The following EREG variants were observed in gnomAD, a reference collection of about 807,000 sequenced individuals.
The protein encoded by EREG is proepiregulin.
EREG carries 23 observed loss-of-function variants against 22.4 expected under a neutral mutation model. The observed-to-expected ratio is 1.03, with a 90% CI of 0.74 to 1.46. EREG has a LOEUF of 1.46. EREG is among the 40% of genes most tolerant of loss of function. The pLI is 0.00. For synonymous variants in EREG, 100 were observed against 75.4 expected (o/e 1.33, Z -1.69); for missense variants, 226 against 205.9 (o/e 1.10, Z -0.60).
chr4:74,377,790 A>G (rs1369242452), intron 1 of EREG, among the ~76,000 whole-genome samples: 1 of 152,170 alleles, frequency 6.6e-6, no homozygotes, highest in Non-Finnish European at 1.5e-5. Context: ...TTATAAAACC[A>G]TCAGATCTCA....
chr4:74,380,722 TG>T lies in EREG; in HGVS notation c.155-291del, dbSNP rs1487544259. 5.9e-5 allele frequency among the ~76,000 whole-genome samples: 9 copies of T among 152,346 alleles called. No homozygotes were observed. In the East Asian group the frequency reaches 1.5e-3, roughly 26 times the overall value. On this transcript the variant is annotated intron_variant, in intron 2 of 4. Coordinates refer to ENST00000244869, the MANE Select transcript of EREG (RefSeq NM_001432.3). ...CACCCACTTGGAGGATAATGACACCTGTGTGTTAAATTTGCCTTCTCTACCC... is the reference window on the plus strand; with the variant it reads ...CACCCACTTGGAGGATAATGACACCTTGTGTTAAATTTGCCTTCTCTACCC...
chr4:74,380,502 T>C (rs549237282), intron 2 of EREG, among the ~76,000 whole-genome samples: 59 of 152,304 alleles, frequency 3.9e-4, no homozygotes, highest in Middle Eastern at 6.8e-3. Context: ...GGAGACTGGT[T>C]AATTTCATTA....
At chr4:74,377,387 C>A (rs1752399950) in intron 1 of EREG, among the ~76,000 whole-genome samples, 1 of 152,118 alleles carries the variant, frequency 6.6e-6, no homozygotes, top group Non-Finnish European at 1.5e-5. Context: ...GTCCATTATA[C>A]TCTAGTATTA....
At chr4:74,375,913 C>T (rs991483206) in intron 1 of EREG, among the ~76,000 whole-genome samples, 4 of 152,140 alleles carry the variant, frequency 2.6e-5, no homozygotes, top group African/African-American at 4.8e-5. Flanking sequence ...ATATACGATT[C>T]CACCTGTAAA....
Position 74,386,368 on chromosome 4 carries a change from C to T in EREG, c.*1560C>T, listed in dbSNP as rs1752569117. The stretch of plus-strand genomic sequence containing the variant: ...CCATGTGTATCCATGCATTATATAC[C>T]CTGGTGCAATCACACGACTGTCATC... On this transcript the variant is annotated 3_prime_UTR_variant, in exon 5 of 5. Transcript: ENST00000244869. 6.6e-6 allele frequency: 1 copy of T among 152,348 alleles called. No homozygotes were observed. The highest frequency in any genetic ancestry group is 2.4e-5 in the African/African-American group (1 of 41,452). The allele number at this position is 152,348 out of a possible 1,614,324, so 9.4% of individuals were successfully genotyped here.
intron 1 of EREG, among the ~76,000 whole-genome samples, chr4:74,374,149 T>C (rs1752340335): frequency 6.6e-6 from 1 of 152,252 alleles, no homozygotes; most frequent in Non-Finnish European, 1.5e-5. Context: ...GCTTTTCTGG[T>C]CTAAATAGCC....
intron 1 of EREG, among the ~76,000 whole-genome samples, chr4:74,377,561 A>C (rs1290469442): frequency 6.6e-6 from 1 of 152,216 alleles, no homozygotes; most frequent in Non-Finnish European, 1.5e-5. Flanking sequence ...GATAAGGTGA[A>C]TAGGACCATA....
intron 3 of EREG, among the ~76,000 whole-genome samples, chr4:74,382,225 G>C (rs1752490087): frequency 6.6e-6 from 1 of 152,000 alleles, no homozygotes; most frequent in African/African-American, 2.4e-5. Flanking sequence ...GCTTGAACCT[G>C]GGAGGCGGAG....
chr4:74,386,045 T>C lies in EREG; in HGVS notation c.*1237T>C. The C allele has an allele frequency of 2.8e-6, 1 of 359,274 alleles. No individual in the cohort carries two copies. Among genetic ancestry groups the C allele is most frequent in the Non-Finnish European group, 5.0e-6 (1 of 200,752 alleles). 22.3% of individuals were successfully genotyped at this position (359,274 alleles called of 1,614,324 possible). A position where few individuals can be genotyped will look rare whatever the true frequency, so the allele number is the denominator to read the frequency against. ...AAAACTAGGGCTCATTTTCCTGACA[T>C]TTGTTTATTTTTTGGAAGAGACAAA... On this transcript the variant is annotated 3_prime_UTR_variant, in exon 5 of 5. Coordinates refer to ENST00000244869, the MANE Select transcript of EREG (RefSeq NM_001432.3).
intron 2 of EREG, among the ~76,000 whole-genome samples, chr4:74,379,921 C>G (rs1213376893): frequency 3.3e-5 from 5 of 151,964 alleles, no homozygotes; most frequent in Admixed American, 3.3e-4. Context: ...CTTTCTACCC[C>G]TCTCTCTCTC....
chr4:74,375,115 G>A (rs1266121113), intron 1 of EREG, among the ~76,000 whole-genome samples: 3 of 152,022 alleles, frequency 2.0e-5, no homozygotes, highest in Admixed American at 1.3e-4. Context: ...TAGTATCGTA[G>A]TGAATTATTT....
At chr4:74,376,799 A>G (rs146394726) in intron 1 of EREG, among the ~76,000 whole-genome samples, 52 of 152,316 alleles carry the variant, frequency 3.4e-4, no homozygotes, top group African/African-American at 1.3e-3. Flanking sequence ...GTCACAAGTG[A>G]TCTTAGACAA....
chr4:74,388,233 C>T lies in EREG; in HGVS notation c.*3425C>T, dbSNP rs2110392137. ...TTTGCTCCAATATCCATTCTGTAGA[C>T]TTTTGAAAAAAAAGTTTTTAATTTG... On this transcript the variant is annotated 3_prime_UTR_variant, in exon 5 of 5. Coordinates refer to ENST00000244869, the MANE Select transcript of EREG (RefSeq NM_001432.3). 6.6e-6 allele frequency: 1 copy of T among 152,056 alleles called. No individual in the cohort carries two copies. The highest frequency in any genetic ancestry group is 2.4e-5 in the African/African-American group (1 of 41,492). The allele number at this position is 152,056 out of a possible 1,614,324, so 9.4% of individuals were successfully genotyped here.
In EREG at chr4:74,386,200, C is replaced by T. The variant is rs1213945080; in HGVS notation, c.*1392C>T. 5.5e-6 allele frequency: 1 copy of T among 180,968 alleles called. No individual in the cohort carries two copies. Among genetic ancestry groups the T allele is most frequent in the Non-Finnish European group, 1.1e-5 (1 of 87,340 alleles). 11.2% of individuals were successfully genotyped at this position (180,968 alleles called of 1,614,324 possible). On this transcript the variant is annotated 3_prime_UTR_variant, in exon 5 of 5. Transcript: ENST00000244869. ...GAGGCTCCTTCATCGAATGCTAAAC[C>T]TTTGAGTAGAGTCTCCCTGGATCAC...
chr4:74,381,880 G>A (rs1233560096), intron 3 of EREG: 1 of 149,176 alleles, frequency 6.7e-6, no homozygotes, highest in Non-Finnish European at 1.5e-5. Flanking sequence ...AGCTACTCGG[G>A]AGGCTGAGGC....
intron 1 of EREG, among the ~76,000 whole-genome samples, chr4:74,371,954 CA>C (rs1353369167): frequency 6.6e-6 from 1 of 151,962 alleles, no homozygotes; most frequent in African/African-American, 2.4e-5. Context: ...CTATTTAGGG[CA>C]GGAACAATGT....
chr4:74,372,092 G>T (rs1424668799), intron 1 of EREG, among the ~76,000 whole-genome samples: 1 of 152,128 alleles, frequency 6.6e-6, no homozygotes, highest in African/African-American at 2.4e-5. Flanking sequence ...GGGGTAAGCT[G>T]CCCTCCTTTT....
chr4:74,380,877 T>C (rs1053141951), intron 2 of EREG, 137 bp from the exon 3 acceptor site: 5 of 845,490 alleles, frequency 5.9e-6, no homozygotes, highest in African/African-American at 5.1e-5. Context: ...AGTGACTTCC[T>C]ACTTCTCAAA....
chr4:74,382,371 AC>A, intron 3 of EREG: 1 of 305,164 alleles, frequency 3.3e-6, no homozygotes. Context: ...GGAATCTCAA[AC>A]CTGTACAACT....
Sources: gnomAD v4.1 joint callset for allele counts (sites outside exome capture counted in the v4.1 genomes callset) on GRCh38, gnomAD v4.1.1 for gene constraint, MANE v1.5 for transcripts, NCBI Gene and HGNC (gene_info 2026-07-23, HGNC 2026-07-21) for gene names.